POLA1: variants seen among roughly 807,000 people sequenced by gnomAD.
The protein encoded by POLA1 is DNA polymerase alpha catalytic subunit.
A neutral mutation model predicts 124.0 loss-of-function variants in POLA1; 15 were observed. The ratio of observed to expected loss-of-function variants is 0.12; its 90% CI spans 0.08 to 0.19. POLA1 has a LOEUF of 0.19. POLA1 is among the 10% of genes least tolerant of loss of function. The probability of loss-of-function intolerance (pLI) is 1.00; values close to 1 mark genes in which losing one functional copy is unlikely to be tolerated. For missense variants in POLA1, 886 were observed against 1,103.4 expected, an observed-to-expected ratio of 0.80 and a Z score of 2.79; for synonymous variants, 408 against 389.4, an observed-to-expected ratio of 1.05 and a Z score of -0.56.
chrX:24,719,905 C>T (rs1930097224), intron 10 of POLA1, among the ~76,000 whole-genome samples: 1 of 110,362 alleles, frequency 9.1e-6, no homozygotes, highest in South Asian at 3.9e-4. Flanking sequence ...ACAATTGCAC[C>T]AGCCTCCTAA....
At chrX:24,776,895 C>A (rs2045149633) in intron 26 of POLA1, among the ~76,000 whole-genome samples, 1 of 112,142 alleles carries the variant, frequency 8.9e-6, no homozygotes, top group African/African-American at 3.2e-5. Flanking sequence ...AACTGTATTT[C>A]TCATTCATTC....
At chrX:24,940,906 T>C (rs1569370067) in intron 36 of POLA1, among the ~76,000 whole-genome samples, 1 of 111,983 alleles carries the variant, frequency 8.9e-6, no homozygotes, top group African/African-American at 3.2e-5. Flanking sequence ...AATTATAGGA[T>C]TTATATTTAT....
At chrX:24,829,932 G>A (rs1569329757) in intron 32 of POLA1, among the ~76,000 whole-genome samples, 1 of 112,342 alleles carries the variant, frequency 8.9e-6, no homozygotes. Flanking sequence ...GTATACAAAT[G>A]TATACATAAA....
At chrX:24,942,093 C>T (rs1309268470) in intron 36 of POLA1, among the ~76,000 whole-genome samples, 1 of 112,141 alleles carries the variant, frequency 8.9e-6, no homozygotes, top group Admixed American at 9.5e-5. Flanking sequence ...ACCAATACTT[C>T]TGACCAATTG....
At chrX:24,811,775 A>G (rs777626660) in intron 28 of POLA1, among the ~76,000 whole-genome samples, 1 of 111,154 alleles carries the variant, frequency 9.0e-6, no homozygotes, top group Non-Finnish European at 1.9e-5. Context: ...ATTCAGGTGC[A>G]TTTTATACAT....
chrX:24,823,629 C>G (rs890915644), intron 31 of POLA1, among the ~76,000 whole-genome samples: 4 of 111,822 alleles, frequency 3.6e-5, no homozygotes, highest in African/African-American at 1.3e-4. Context: ...GTCTCAAACT[C>G]CTGACCTCAC....
chrX:24,921,061 C>G (rs1601873170), intron 35 of POLA1, among the ~76,000 whole-genome samples: 2 of 111,946 alleles, frequency 1.8e-5, no homozygotes, highest in Admixed American at 1.9e-4. Flanking sequence ...CTGACCAGAT[C>G]TAGTATTATA....
At chrX:24,879,219 T>G (rs927201335) in intron 34 of POLA1, among the ~76,000 whole-genome samples, 3 of 111,476 alleles carry the variant, frequency 2.7e-5, no homozygotes, top group Non-Finnish European at 5.7e-5. Context: ...AACATTAATA[T>G]AAGCACCAGA....
chrX:24,903,817 C>T (rs949623732), intron 35 of POLA1, among the ~76,000 whole-genome samples: 1 of 110,522 alleles, frequency 9.0e-6, no homozygotes, highest in Non-Finnish European at 1.9e-5. Flanking sequence ...CAACCGAAAG[C>T]AACTGTAAAA....
intron 35 of POLA1, among the ~76,000 whole-genome samples, chrX:24,915,968 A>T (rs1242289334): frequency 8.9e-6 from 1 of 112,238 alleles, no homozygotes; most frequent in African/African-American, 3.2e-5. Flanking sequence ...AGAGAAACAG[A>T]CCTGCTAGAG....
intron 35 of POLA1, among the ~76,000 whole-genome samples, chrX:24,912,489 A>G (rs2047462785): frequency 8.9e-6 from 1 of 112,157 alleles, no homozygotes; most frequent in Non-Finnish European, 1.9e-5. Context: ...TATCCAGTAT[A>G]TATAAAGAAC....
intron 26 of POLA1, among the ~76,000 whole-genome samples, chrX:24,790,922 T>TATATATATATATATATATATATAA (rs2045481277): frequency 9.9e-6 from 1 of 100,629 alleles, no homozygotes; most frequent in African/African-American, 3.7e-5. Context: ...TATATATATA[T>TATATATATATATATATATATATAA]ATATATATAT....
chrX:24,977,402 C>A, intron 36 of POLA1, among the ~76,000 whole-genome samples: 1 of 112,540 alleles, frequency 8.9e-6, no homozygotes, highest in Non-Finnish European at 1.9e-5. Context: ...AAGTTGAAAG[C>A]TTTTCTGAGT....
At chrX:24,989,084 T>G (rs2048508095) in intron 36 of POLA1, among the ~76,000 whole-genome samples, 1 of 112,325 alleles carries the variant, frequency 8.9e-6, no homozygotes, top group East Asian at 2.8e-4. Flanking sequence ...AGAATGGTAC[T>G]GGTGGAAAAT....
Position 24,815,216 on chromosome X carries a change from C to G in POLA1, c.3429+105C>G. The G allele has an allele frequency of 3.9e-6, 3 of 767,603 alleles. No individual in the cohort carries two copies. The East Asian group carries it at 1.0e-4, about 26-fold the overall frequency. 63.3% of individuals were successfully genotyped at this position (767,603 alleles called of 1,213,427 possible). The stretch of plus-strand genomic sequence containing the variant: ...TCCTTGCAATTGAAATAAATTCTAG[C>G]TGGTGATGAAAGCTGCTTAACAACT... On this transcript the variant is annotated intron_variant, in intron 30 of 36. Coordinates refer to ENST00000379068, the MANE Select transcript of POLA1 (RefSeq NM_001330360.2).
At chrX:24,994,150 GC>G (rs773134974) in intron 36 of POLA1, among the ~76,000 whole-genome samples, 20 of 112,538 alleles carry the variant, frequency 1.8e-4, no homozygotes, top group African/African-American at 6.5e-4. Flanking sequence ...ACTGGTTGGG[GC>G]CATTGTTGTT....
intron 15 of POLA1, among the ~76,000 whole-genome samples, chrX:24,730,817 C>T (rs943189593): frequency 1.1e-4 from 12 of 112,087 alleles, no homozygotes; most frequent in South Asian, 3.7e-4. Context: ...GACACCACAT[C>T]GATCACTTCT....
chrX:24,710,452 CAG>C (rs1929331010), intron 4 of POLA1, among the ~76,000 whole-genome samples: 1 of 111,861 alleles, frequency 8.9e-6, no homozygotes, highest in South Asian at 3.7e-4. Flanking sequence ...TAGCATGTAT[CAG>C]TACTTCATTC....
intron 26 of POLA1, among the ~76,000 whole-genome samples, chrX:24,784,778 G>A (rs2045332942): frequency 8.9e-6 from 1 of 112,335 alleles, no homozygotes; most frequent in South Asian, 3.7e-4. Flanking sequence ...AATGGGAATT[G>A]AAGTAGACAC....
Sources: gnomAD v4.1 joint callset for allele counts (sites outside exome capture counted in the v4.1 genomes callset) on GRCh38, gnomAD v4.1.1 for gene constraint, MANE v1.5 for transcripts, NCBI Gene and HGNC (gene_info 2026-07-23, HGNC 2026-07-21) for gene names.